Variants in ERC2 observed in about 807,000 individuals in gnomAD.
The protein encoded by ERC2 is ERC protein 2.
ERC2 carries 42 observed loss-of-function variants against 114.8 expected under a neutral mutation model. That is an observed-to-expected ratio of 0.37 (90% CI 0.29 to 0.47). The LOEUF is 0.47. ERC2 is among the 20% of genes least tolerant of loss of function. ERC2 has a pLI of 0.99. For synonymous variants in ERC2, 454 were observed against 425.5 expected (o/e 1.07, Z -0.82); for missense variants, 939 against 1,150.7 (o/e 0.82, Z 2.66).
intron 17 of ERC2, among the ~76,000 whole-genome samples, chr3:55,592,974 T>A (rs961796676): frequency 1.3e-5 from 2 of 152,236 alleles, no homozygotes; most frequent in African/African-American, 2.4e-5. Flanking sequence ...CCTATGTCCT[T>A]CTATTCACTC....
chr3:56,387,162 A>G (rs1408841220), intron 2 of ERC2, among the ~76,000 whole-genome samples: 2 of 152,248 alleles, frequency 1.3e-5, no homozygotes, highest in African/African-American at 4.8e-5. Flanking sequence ...GCTATATAAT[A>G]AATAAATATA....
intron 2 of ERC2, among the ~76,000 whole-genome samples, chr3:56,415,760 C>G (rs2061126537): frequency 6.6e-6 from 1 of 152,160 alleles, no homozygotes; most frequent in South Asian, 2.1e-4. Flanking sequence ...CTGTCTCCAC[C>G]AAGCATGGTA....
At chr3:55,916,665 G>A (rs1434711001) in intron 13 of ERC2, among the ~76,000 whole-genome samples, 1 of 152,090 alleles carries the variant, frequency 6.6e-6, no homozygotes, top group African/African-American at 2.4e-5. Context: ...CCATTCCAGT[G>A]CTTGTAGGTT....
At chr3:55,830,202 T>C (rs1480054868) in intron 14 of ERC2, among the ~76,000 whole-genome samples, 1 of 152,118 alleles carries the variant, frequency 6.6e-6, no homozygotes, top group African/African-American at 2.4e-5. Flanking sequence ...AATCCTGACA[T>C]AAAGAAACTG....
intron 14 of ERC2, among the ~76,000 whole-genome samples, chr3:55,799,614 G>C (rs2070876496): frequency 6.6e-6 from 1 of 151,844 alleles, no homozygotes; most frequent in Non-Finnish European, 1.5e-5. Context: ...AAAGAGGTTA[G>C]GATACTTTCC....
chr3:56,031,015 T>C (rs2074349719), intron 7 of ERC2, among the ~76,000 whole-genome samples: 1 of 151,780 alleles, frequency 6.6e-6, no homozygotes, highest in South Asian at 2.1e-4. Flanking sequence ...GCAGTCAGAT[T>C]CCAGGCCCAC....
At position 55,547,470 on chromosome 3, in the gene ERC2, C is replaced by T. The variant is rs192714318; in HGVS notation, c.*40-36194G>A. ...ATTGCTCCAGTGGACGTTTCCGGTG[C>T]GCCTCCATCAAGCCACATTTAATGA... On this transcript the variant is annotated intron_variant, in intron 17 of 17. Transcript: ENST00000288221. Among the ~76,000 whole-genome samples the T allele has an allele frequency of 5.0e-3, 755 of 152,312 alleles. 2 individuals are homozygous for T. Among genetic ancestry groups the T allele is most frequent in the Admixed American group, 7.8e-3 (119 of 15,296 alleles).
intron 2 of ERC2, among the ~76,000 whole-genome samples, chr3:56,326,269 A>C (rs772938943): frequency 3.9e-5 from 6 of 152,250 alleles, no homozygotes; most frequent in Non-Finnish European, 7.3e-5. Context: ...ACACACAGGA[A>C]GAGTGCGGAA....
At chr3:55,581,000 A>C (rs1209166825) in intron 17 of ERC2, among the ~76,000 whole-genome samples, 1 of 152,170 alleles carries the variant, frequency 6.6e-6, no homozygotes, top group Admixed American at 6.5e-5. Flanking sequence ...TAGTTATCTG[A>C]GGGAAGAGAA....
intron 10 of ERC2, among the ~76,000 whole-genome samples, chr3:55,997,901 TTTTTTTGTG>T (rs2071679852): frequency 9.8e-5 from 5 of 50,764 alleles, no homozygotes; most frequent in African/African-American, 2.5e-4. Context: ...TTTTTTTTTT[TTTTTTTGTG>T]TGTGTGTGTG....
chr3:56,343,167 T>TTC (rs1160068173), intron 2 of ERC2, among the ~76,000 whole-genome samples: 30 of 135,346 alleles, frequency 2.2e-4, no homozygotes, highest in East Asian at 1.5e-3. Context: ...CTCTCTCTCT[T>TTC]TCTCTCTCTC....
chr3:55,603,266 T>G (rs962339066), intron 17 of ERC2, among the ~76,000 whole-genome samples: 1 of 152,176 alleles, frequency 6.6e-6, no homozygotes, highest in African/African-American at 2.4e-5. Context: ...GAGCTAGAGA[T>G]AGTCAAAACA....
intron 13 of ERC2, among the ~76,000 whole-genome samples, chr3:55,911,780 G>A (rs1478875364): frequency 1.3e-5 from 2 of 152,186 alleles, no homozygotes; most frequent in Non-Finnish European, 2.9e-5. Flanking sequence ...ATCACCACTA[G>A]GGACTTAAAG....
chr3:56,463,437 C>T (rs1230969765), intron 1 of ERC2, among the ~76,000 whole-genome samples: 2 of 152,100 alleles, frequency 1.3e-5, no homozygotes, highest in Non-Finnish European at 2.9e-5. Flanking sequence ...TTATCAGACC[C>T]AACTCTCATG....
intron 3 of ERC2, among the ~76,000 whole-genome samples, chr3:56,229,422 T>C (rs908887836): frequency 1.3e-5 from 2 of 152,158 alleles, no homozygotes; most frequent in Admixed American, 1.3e-4. Flanking sequence ...GAAATGATAA[T>C]AGCAGCCCAA....
intron 14 of ERC2, among the ~76,000 whole-genome samples, chr3:55,840,878 G>A (rs571036940): frequency 2.1e-4 from 32 of 152,162 alleles, no homozygotes; most frequent in Non-Finnish European, 3.8e-4. Flanking sequence ...TTCCATTTAC[G>A]TAAAATTCTA....
chr3:56,164,938 A>G (rs2082247652), intron 4 of ERC2, among the ~76,000 whole-genome samples: 1 of 151,998 alleles, frequency 6.6e-6, no homozygotes, highest in African/African-American at 2.4e-5. Flanking sequence ...TTTGTAATTC[A>G]GTTATCTTTT....
intron 12 of ERC2, among the ~76,000 whole-genome samples, chr3:55,976,262 G>T (rs577994632): frequency 2.2e-4 from 34 of 152,234 alleles, no homozygotes; most frequent in Non-Finnish European, 4.4e-4. Flanking sequence ...TTCCTTCTGG[G>T]TCTCACAGAG....
Position 56,435,022 on chromosome 3 carries a change from G to A in ERC2, c.-15C>T. On this transcript the variant is annotated 5_prime_UTR_variant, in exon 2 of 18. Transcript: ENST00000288221. ...CTTCCATACATTTTTCTTGTATTAT[G>A]AGGTGTTACTGAAGAGAAGAAATGC... The A allele has an allele frequency of 4.4e-6, 7 of 1,588,160 alleles. No homozygotes were observed. The Middle Eastern group carries it at 1.2e-3, about 267-fold the overall frequency.
Sources: gnomAD v4.1 joint callset for allele counts (sites outside exome capture counted in the v4.1 genomes callset) on GRCh38, gnomAD v4.1.1 for gene constraint, MANE v1.5 for transcripts, NCBI Gene and HGNC (gene_info 2026-07-23, HGNC 2026-07-21) for gene names.